BTNL9: variants seen among roughly 807,000 people sequenced by gnomAD.
BTNL9 encodes the protein butyrophilin like 9.
Under a neutral mutation model 45.8 loss-of-function variants are expected in BTNL9, and 45 were observed. That is an observed-to-expected ratio of 0.98 (90% CI 0.77 to 1.26). The LOEUF (loss-of-function observed/expected upper bound fraction) is 1.26. BTNL9 is among the 50% of genes most tolerant of loss of function. The pLI is 0.00. For synonymous variants in BTNL9, 346 were observed against 330.8 expected, an observed-to-expected ratio of 1.05 and a Z score of -0.50; for missense variants, 784 against 729.7, an observed-to-expected ratio of 1.07 and a Z score of -0.86.
Position 181,056,022 on chromosome 5 carries a change from G to A in BTNL9, c.955+7G>A, listed in dbSNP as rs1468990166. 3 of 1,614,130 alleles carry A rather than the reference G, an allele frequency of 1.9e-6. No homozygotes were observed. In the South Asian group the frequency reaches 3.3e-5, roughly 18 times the overall value. The stretch of plus-strand genomic sequence containing the variant: ...CGGGCTGAAGGCCAGGCTGGTGAGT[G>A]GAACCCATCTCTCTCTGACTCCTCC... On this transcript the variant is annotated splice_region_variant and intron_variant, in intron 9 of 10. Coordinates refer to ENST00000327705, the MANE Select transcript of BTNL9 (RefSeq NM_152547.5).
chr5:181,050,068 ACTC>A lies in BTNL9; in HGVS notation c.455-14_455-12del. 1 of 1,604,802 alleles carries A rather than the reference ACTC, an allele frequency of 6.2e-7. No homozygotes were observed. Among genetic ancestry groups the A allele is most frequent in the Non-Finnish European group, 8.5e-7 (1 of 1,175,270 alleles). On this transcript the variant is annotated splice_polypyrimidine_tract_variant and intron_variant, in intron 3 of 10. Transcript: ENST00000327705. This position sits in a 1 kb window ranked among gnomAD's most constrained non-coding sequence, Gnocchi z 4.9. The stretch of plus-strand genomic sequence containing the variant: ...TCTCAGAAGAAGCCTGACCTTTCCC[ACTC>A]CTCCTGCCTCCACCAGGGCTGGGCT...
Position 181,053,107 on chromosome 5 carries a change from G to T in BTNL9, c.737-93G>T. On this transcript the variant is annotated intron_variant, in intron 4 of 10. Coordinates refer to ENST00000327705, the MANE Select transcript of BTNL9 (RefSeq NM_152547.5). The surrounding 1 kb of genome is among the most constrained non-coding windows in gnomAD (Gnocchi z 6.5). ...CGGTGGCGCCCGGAGAAGGTCCCGC[G>T]GGAGGTTTCCCGGCACGCGGCGGGC... is the stretch of plus-strand genomic sequence containing the variant. 1.8e-6 allele frequency: 2 copies of T among 1,119,118 alleles called. No homozygotes were observed. Among genetic ancestry groups the T allele is most frequent in the Non-Finnish European group, 2.5e-6 (2 of 797,956 alleles). 69.3% of individuals were successfully genotyped at this position (1,119,118 alleles called of 1,614,324 possible).
intron 6 of BTNL9, 74 bp from the exon 7 acceptor site, chr5:181,054,165 T>C: frequency 6.2e-7 from 1 of 1,602,344 alleles, no homozygotes; most frequent in South Asian, 1.1e-5. Context: ...TTCACCCATC[T>C]GTTCTGTCTG....
rs893067567 is a variant in BTNL9, at chr5:181,059,437, C to G, written c.1183C>G (p.Arg395Gly). 3.0e-5 allele frequency: 44 copies of G among 1,474,558 alleles called. No homozygotes were observed. The highest frequency in any genetic ancestry group is 3.9e-5 in the Non-Finnish European group (44 of 1,117,628). The allele number at this position is 1,474,558 out of a possible 1,614,324, so 91.3% of individuals were successfully genotyped here. ...YWEVHVGRRS[R>G]WFLGACLAAV... ...GGAGGTGCACGTGGGCCGCCGCAGCCGCTGGTTCCTGGGCGCCTGCCTGGC... is the reference window on the plus strand; with the variant it reads ...GGAGGTGCACGTGGGCCGCCGCAGCGGCTGGTTCCTGGGCGCCTGCCTGGC... Residue 395 changes from arginine to glycine, a missense_variant, in exon 11 of 11, where the codon CGC becomes GGC. By Grantham distance (125) the Arg-to-Gly change is moderately radical. Coordinates refer to ENST00000327705, the MANE Select transcript of BTNL9 (RefSeq NM_152547.5).
chr5:181,056,953 A>C, intron 9 of BTNL9: 1 of 236,202 alleles, frequency 4.2e-6, no homozygotes, highest in Non-Finnish European at 8.2e-6. Flanking sequence ...CACATCACTG[A>C]CCCATTTTTC....
chr5:181,059,041 C>A, intron 10 of BTNL9, 196 bp from the exon 11 acceptor site: 2 of 481,944 alleles, frequency 4.1e-6, no homozygotes, highest in Non-Finnish European at 5.4e-6. Flanking sequence ...TTCCTTGTCA[C>A]TATCAAACAC....
rs1367316328 is a variant in BTNL9 at position 181,059,607 on chromosome 5, C to A, written c.1353C>A (p.Val451=). 1 of 1,613,402 alleles carries A rather than the reference C, an allele frequency of 6.2e-7. No homozygotes were observed. Among genetic ancestry groups the A allele is most frequent in the East Asian group, 2.2e-5 (1 of 44,876 alleles). The change falls in exon 11 of 11, where the codon GTC becomes GTA. Residue 451 remains valine (V), a synonymous_variant. Transcript: ENST00000327705. The part of the protein sequence containing the change: ...TLRVPPRRLG[V]FLDYEAGELS... ...GCGTGCCCCCGCGGCGCCTGGGCGTCTTCCTGGACTACGAGGCCGGAGAGC... is the reference window on the plus strand; with the variant it reads ...GCGTGCCCCCGCGGCGCCTGGGCGTATTCCTGGACTACGAGGCCGGAGAGC...
At chr5:181,040,795 G>T (rs1760738022) in intron 1 of BTNL9, among the ~76,000 whole-genome samples, 2 of 152,206 alleles carry the variant, frequency 1.3e-5, no homozygotes, top group African/African-American at 2.4e-5. Flanking sequence ...GCACTAGCTG[G>T]GGTCTGCCGG....
rs1760801029 is a variant in BTNL9 at position 181,042,079 on chromosome 5, G to T, written c.-24+1647G>T. ...GTGCAGGAGGAGAGAACAGGAGTGG[G>T]GCGGGCTGGGGGCAATGAGAGAGCA... On this transcript the variant is annotated intron_variant, in intron 1 of 10. Transcript: ENST00000327705. This position sits in a 1 kb window ranked among gnomAD's most constrained non-coding sequence, Gnocchi z 4.5. Among the ~76,000 whole-genome samples, 1 of 152,204 alleles carries T rather than the reference G, an allele frequency of 6.6e-6. No homozygotes were observed. The highest frequency in any genetic ancestry group is 1.5e-5 in the Non-Finnish European group (1 of 68,030).
At position 181,059,459 on chromosome 5, in the gene BTNL9, T is replaced by C. The variant is rs1762053427; in HGVS notation, c.1205T>C (p.Leu402Pro). ...RRSRWFLGAC[L>P]AAVPRAGPAR... The stretch of plus-strand genomic sequence containing the variant: ...AGCCGCTGGTTCCTGGGCGCCTGCC[T>C]GGCCGCGGTGCCGCGCGCGGGGCCT... The change falls in exon 11 of 11, where the codon CTG becomes CCG. Residue 402 changes from leucine to proline, a missense_variant. Coordinates refer to ENST00000327705, the MANE Select transcript of BTNL9 (RefSeq NM_152547.5). 8 of 1,449,038 alleles carry C rather than the reference T, an allele frequency of 5.5e-6. No individual in the cohort carries two copies. Among genetic ancestry groups the C allele is most frequent in the Non-Finnish European group, 7.2e-6 (8 of 1,107,834 alleles). The allele number at this position is 1,449,038 out of a possible 1,614,324, so 89.8% of individuals were successfully genotyped here. A position where few individuals can be genotyped will look rare whatever the true frequency, so the allele number is the denominator to read the frequency against.
At chr5:181,054,926 G>C (rs1761796390) in intron 7 of BTNL9, 1 of 985,374 alleles carries the variant, frequency 1.0e-6, no homozygotes, top group Non-Finnish European at 1.2e-6. Context: ...ACTTTTGAAA[G>C]AGCTTGACAT....
chr5:181,045,686 C>G (rs1761075215), intron 2 of BTNL9, 88 bp downstream of exon 2: 3 of 1,028,344 alleles, frequency 2.9e-6, no homozygotes, highest in African/African-American at 1.6e-5. Context: ...AGCACAGTAC[C>G]AGGGCGTGCC....
chr5:181,046,558 C>T (rs1468150531), intron 2 of BTNL9, among the ~76,000 whole-genome samples: 1 of 152,120 alleles, frequency 6.6e-6, no homozygotes, highest in African/African-American at 2.4e-5. Context: ...GGCTGGAAAC[C>T]AGGAATACCA....
chr5:181,048,372 T>TA (rs1443984928), intron 3 of BTNL9, 101 bp downstream of exon 3: 6 of 1,110,234 alleles, frequency 5.4e-6, no homozygotes, highest in South Asian at 3.3e-5. Flanking sequence ...CGGTGATTTT[T>TA]AAAAAACATA....
intron 10 of BTNL9, among the ~76,000 whole-genome samples, chr5:181,058,673 C>A (rs1235515128): frequency 2.0e-5 from 3 of 152,112 alleles, no homozygotes; most frequent in Admixed American, 6.6e-5. Context: ...CTGTAATGAA[C>A]CTCCCAGATT....
At chr5:181,047,173 G>A (rs528876946) in intron 2 of BTNL9, among the ~76,000 whole-genome samples, 5 of 152,304 alleles carry the variant, frequency 3.3e-5, no homozygotes, top group South Asian at 2.1e-4. Flanking sequence ...GCAGGGAACC[G>A]TGCGTGCGGA....
rs1254986445 is a variant in BTNL9 at position 181,053,023 on chromosome 5, G to A, written c.737-177G>A. 3 of 171,566 alleles carry A rather than the reference G, an allele frequency of 1.7e-5. No homozygotes were observed. The highest frequency in any genetic ancestry group is 6.9e-5 in the Admixed American group (1 of 14,598). 10.6% of individuals were successfully genotyped at this position (171,566 alleles called of 1,614,324 possible). A position where few individuals can be genotyped will look rare whatever the true frequency, so the allele number is the denominator to read the frequency against. ...CGCGCCCCCGCCCCCTCCGCCGCGC[G>A]CGCCCCCGCCCCCTCCGCCGCGCGC... On this transcript the variant is annotated intron_variant, in intron 4 of 10. Coordinates refer to ENST00000327705, the MANE Select transcript of BTNL9 (RefSeq NM_152547.5). The surrounding 1 kb of genome is among the most constrained non-coding windows in gnomAD (Gnocchi z 6.5).
intron 4 of BTNL9, among the ~76,000 whole-genome samples, chr5:181,051,463 G>C (rs541313719): frequency 6.6e-6 from 1 of 152,304 alleles, no homozygotes; most frequent in African/African-American, 2.4e-5. Flanking sequence ...AGGAGGACCT[G>C]GCAACACCGC....
At chr5:181,051,089 C>CAAAAAAAAAAAAAAAA (rs372848158) in intron 4 of BTNL9, among the ~76,000 whole-genome samples, 3 of 131,822 alleles carry the variant, frequency 2.3e-5, no homozygotes, top group African/African-American at 2.9e-5. Flanking sequence ...AAAAAAAAAA[C>CAAAAAAAAAAAAAAAA]AAAAAAAAAA....
Sources: allele counts gnomAD v4.1 joint callset (sites outside exome capture counted in the v4.1 genomes callset), GRCh38; gene constraint gnomAD v4.1.1; non-coding constraint Gnocchi (gnomAD v3.1); transcripts MANE v1.5; gene names NCBI Gene and HGNC (gene_info 2026-07-23, HGNC 2026-07-21).